SUCLG2: variants seen among roughly 807,000 people sequenced by gnomAD.
SUCLG2 encodes succinate--CoA ligase [GDP-forming] subunit beta, mitochondrial.
A neutral mutation model predicts 47.9 loss-of-function variants in SUCLG2; 42 were observed. The observed-to-expected ratio is 0.88, with a 90% CI of 0.69 to 1.14. The LOEUF is 1.14. SUCLG2 is among the 50% of genes most tolerant of loss of function. The pLI, the probability that SUCLG2 is intolerant of heterozygous loss-of-function variation, is 0.00. For missense variants in SUCLG2, 571 were observed against 525.9 expected, an observed-to-expected ratio of 1.09 and a Z score of -0.84; for synonymous variants, 195 against 197.3, an observed-to-expected ratio of 0.99 and a Z score of 0.10.
chr3:67,567,681 A>G (rs976844442), intron 2 of SUCLG2, among the ~76,000 whole-genome samples: 2 of 152,112 alleles, frequency 1.3e-5, no homozygotes, highest in African/African-American at 4.8e-5. Flanking sequence ...ATACAGAAAA[A>G]CTTCATTTCC....
chr3:67,433,836 T>G (rs1431579667), intron 9 of SUCLG2, among the ~76,000 whole-genome samples: 1 of 151,984 alleles, frequency 6.6e-6, no homozygotes, highest in Non-Finnish European at 1.5e-5. Flanking sequence ...ACAGAGATGC[T>G]TAGTTAGCCT....
At chr3:67,362,488 G>A (rs1434080981) in intron 10 of SUCLG2, among the ~76,000 whole-genome samples, 2 of 152,106 alleles carry the variant, frequency 1.3e-5, no homozygotes, top group Non-Finnish European at 2.9e-5. Context: ...TTTTACTGAT[G>A]TCTCTGTTAA....
chr3:67,419,488 C>T (rs1178922720), intron 9 of SUCLG2, among the ~76,000 whole-genome samples: 1 of 152,076 alleles, frequency 6.6e-6, no homozygotes, highest in African/African-American at 2.4e-5. Context: ...AATTATGGTC[C>T]TTTATCTGGG....
downstream of SUCLG2, among the ~76,000 whole-genome samples, chr3:67,373,151 C>T (rs1180112337): frequency 1.3e-5 from 2 of 152,020 alleles, no homozygotes; most frequent in African/African-American, 4.8e-5. Flanking sequence ...GTGTATTCTA[C>T]AAATGATCAC....
At chr3:67,418,495 T>TG (rs2106852715) in intron 9 of SUCLG2, among the ~76,000 whole-genome samples, 1 of 152,326 alleles carries the variant, frequency 6.6e-6, no homozygotes, top group South Asian at 2.1e-4. Context: ...TACACTAAGC[T>TG]GTTCTGGTGA....
chr3:67,426,101 A>G (rs779548716), intron 9 of SUCLG2, among the ~76,000 whole-genome samples: 33 of 152,316 alleles, frequency 2.2e-4, no homozygotes, highest in South Asian at 6.2e-4. Flanking sequence ...CTAAGTCTCT[A>G]TTCCAGGAGG....
intron 9 of SUCLG2, among the ~76,000 whole-genome samples, chr3:67,447,277 T>C (rs542952165): frequency 6.6e-5 from 10 of 152,318 alleles, no homozygotes; most frequent in Admixed American, 3.3e-4. Context: ...GACTATAAAG[T>C]TGAACCCCAA....
chr3:67,482,448 T>C (rs1704942582), intron 9 of SUCLG2, among the ~76,000 whole-genome samples: 1 of 147,534 alleles, frequency 6.8e-6, no homozygotes, highest in Non-Finnish European at 1.5e-5. Flanking sequence ...TCAGTATAAG[T>C]TCTCTTCATG....
chr3:67,529,527 C>T (rs1256253629), intron 2 of SUCLG2, among the ~76,000 whole-genome samples: 1 of 152,148 alleles, frequency 6.6e-6, no homozygotes, highest in Non-Finnish European at 1.5e-5. Flanking sequence ...TGTGTAATGG[C>T]ACTCCCATGT....
At chr3:67,495,708 C>A in intron 9 of SUCLG2, 90 bp downstream of exon 9, 5 of 1,396,620 alleles carry the variant, frequency 3.6e-6, no homozygotes, top group Non-Finnish European at 5.0e-6. Flanking sequence ...CACATATTGA[C>A]TTATCAACTC....
chr3:67,654,090 C>G (rs532330454), intron 1 of SUCLG2, among the ~76,000 whole-genome samples: 1 of 152,302 alleles, frequency 6.6e-6, no homozygotes, highest in South Asian at 2.1e-4. Context: ...ATGTTTATCA[C>G]GTGGTCTAAA....
intron 2 of SUCLG2, among the ~76,000 whole-genome samples, chr3:67,552,675 T>A (rs1285124533): frequency 1.3e-5 from 2 of 152,222 alleles, no homozygotes; most frequent in African/African-American, 2.4e-5. Flanking sequence ...TTAACCTCCA[T>A]AAACCTCAGT....
At chr3:67,637,036 T>C (rs1259888563) in intron 1 of SUCLG2, among the ~76,000 whole-genome samples, 3 of 151,960 alleles carry the variant, frequency 2.0e-5, no homozygotes, top group African/African-American at 7.3e-5. Context: ...ATTATTGATG[T>C]CTACGACAGG....
At chr3:67,528,509 C>G (rs9831836) in intron 3 of SUCLG2, among the ~76,000 whole-genome samples, 47 of 152,170 alleles carry the variant, frequency 3.1e-4, no homozygotes, top group African/African-American at 9.9e-4. Context: ...GAAATGCACA[C>G]CAGATTCAGA....
intron 9 of SUCLG2, among the ~76,000 whole-genome samples, chr3:67,459,478 T>A (rs1704272050): frequency 6.6e-6 from 1 of 152,210 alleles, no homozygotes; most frequent in African/African-American, 2.4e-5. Context: ...TGTCTTTCTT[T>A]ACTCTTTTTA....
intron 9 of SUCLG2, among the ~76,000 whole-genome samples, chr3:67,419,613 T>G (rs1007956469): frequency 6.6e-6 from 1 of 152,170 alleles, no homozygotes; most frequent in African/African-American, 2.4e-5. Context: ...CTGTCTGAAA[T>G]GTTAATGAGA....
chr3:67,385,506 T>C (rs148497642), intron 10 of SUCLG2, among the ~76,000 whole-genome samples: 426 of 152,300 alleles, frequency 2.8e-3, no homozygotes, highest in African/African-American at 9.6e-3. Flanking sequence ...ACTGAATATT[T>C]GAATGGAGAA....
chr3:67,542,142 G>A (rs1418012523), intron 2 of SUCLG2, among the ~76,000 whole-genome samples: 3 of 152,108 alleles, frequency 2.0e-5, no homozygotes, highest in East Asian at 3.8e-4. Context: ...CCAAAGTGCT[G>A]GGATTACAGG....
intron 1 of SUCLG2, among the ~76,000 whole-genome samples, chr3:67,626,840 G>A (rs755113258): frequency 1.9e-4 from 28 of 150,618 alleles, no homozygotes; most frequent in Non-Finnish European, 3.2e-4. Flanking sequence ...CGTGAACCCC[G>A]GAGGCGGAGC....
Sources: gnomAD v4.1 joint callset for allele counts (sites outside exome capture counted in the v4.1 genomes callset) on GRCh38, gnomAD v4.1.1 for gene constraint, MANE v1.5 for transcripts, NCBI Gene and HGNC (gene_info 2026-07-23, HGNC 2026-07-21) for gene names.